ELP4: variants seen among roughly 807,000 people sequenced by gnomAD.
ELP4 encodes the protein elongator complex protein 4.
ELP4 carries 51 observed loss-of-function variants against 48.9 expected under a neutral mutation model. The observed-to-expected ratio is 1.04, with a 90% CI of 0.83 to 1.32. The LOEUF is 1.32. Among genes scored for constraint, ELP4 ranks in the 40% most tolerant of loss-of-function variants. The pLI, the probability that ELP4 is intolerant of heterozygous loss-of-function variation, is 0.00. For missense variants in ELP4, 519 were observed against 514.6 expected (o/e 1.01, Z -0.08); for synonymous variants, 210 against 189.2 (o/e 1.11, Z -0.90).
chr11:31,611,617 T>A (rs1565078650), intron 5 of ELP4, among the ~76,000 whole-genome samples: 1 of 152,220 alleles, frequency 6.6e-6, no homozygotes, highest in Admixed American at 6.5e-5. Flanking sequence ...CATAATCATA[T>A]GTCCGATAAT....
intron 9 of ELP4, among the ~76,000 whole-genome samples, chr11:31,686,647 A>G (rs955610932): frequency 6.6e-6 from 1 of 152,080 alleles, no homozygotes; most frequent in Non-Finnish European, 1.5e-5. Context: ...TGGGGAGGCC[A>G]TGGCAGGCGG....
At chr11:31,519,829 C>CAAAA (rs1045221587) in intron 1 of ELP4, among the ~76,000 whole-genome samples, 1 of 76,032 alleles carries the variant, frequency 1.3e-5, no homozygotes. Flanking sequence ...GACTCCATCT[C>CAAAA]AAAAAAAAAA....
chr11:31,750,424 C>T (rs1027156948), intron 9 of ELP4, among the ~76,000 whole-genome samples: 3 of 151,794 alleles, frequency 2.0e-5, no homozygotes, highest in African/African-American at 7.3e-5. Flanking sequence ...ACATGATTAC[C>T]TCATTCACAG....
Position 31,787,327 on chromosome 11 carries a change from T to G in ELP4, c.*3803T>G. On this transcript the variant is annotated 3_prime_UTR_variant, in exon 10 of 10. Coordinates refer to ENST00000640961, the MANE Select transcript of ELP4 (RefSeq NM_019040.5). ...AAGTGCACACATACAGACCCTCCGC[T>G]CCCACGTCACTCCTTTTCTCCCATT... 4.3e-6 allele frequency: 1 copy of G among 233,422 alleles called. No individual in the cohort carries two copies. Among genetic ancestry groups the G allele is most frequent in the Non-Finnish European group, 8.5e-6 (1 of 118,248 alleles). 14.5% of individuals were successfully genotyped at this position (233,422 alleles called of 1,614,324 possible).
intron 9 of ELP4, among the ~76,000 whole-genome samples, chr11:31,675,658 C>G (rs1279546046): frequency 6.6e-6 from 1 of 152,104 alleles, no homozygotes; most frequent in Non-Finnish European, 1.5e-5. Flanking sequence ...GGTTTCTGTT[C>G]TCACTTAACA....
intron 9 of ELP4, among the ~76,000 whole-genome samples, chr11:31,731,630 G>A (rs186672996): frequency 1.8e-4 from 26 of 143,478 alleles, no homozygotes; most frequent in Non-Finnish European, 3.7e-4. Flanking sequence ...AAAAAAGGAG[G>A]CAGAAAGCTT....
chr11:31,604,005 TATC>T (rs971640364), intron 5 of ELP4, 98 bp downstream of exon 5: 5 of 851,244 alleles, frequency 5.9e-6, no homozygotes, highest in Non-Finnish European at 8.6e-6. Flanking sequence ...TAAGGGTAAA[TATC>T]ATAATAATAA....
intron 9 of ELP4, among the ~76,000 whole-genome samples, chr11:31,766,232 T>G (rs1435654778): frequency 6.6e-6 from 1 of 152,066 alleles, no homozygotes; most frequent in Non-Finnish European, 1.5e-5. Flanking sequence ...TATATCTGAA[T>G]AAAAAAGAAA....
intron 9 of ELP4, among the ~76,000 whole-genome samples, chr11:31,699,960 A>C (rs1946487589): frequency 6.6e-6 from 1 of 152,150 alleles, no homozygotes; most frequent in South Asian, 2.1e-4. Context: ...GAGACTGAGA[A>C]TATGGGAGGA....
intron 9 of ELP4, among the ~76,000 whole-genome samples, chr11:31,735,774 T>C (rs1330900611): frequency 2.0e-5 from 3 of 152,110 alleles, no homozygotes; most frequent in Non-Finnish European, 4.4e-5. Context: ...ACAAGAGATA[T>C]GAAGGACCTC....
At chr11:31,684,639 G>A (rs1175712641) in intron 9 of ELP4, among the ~76,000 whole-genome samples, 1 of 152,190 alleles carries the variant, frequency 6.6e-6, no homozygotes, top group Non-Finnish European at 1.5e-5. Flanking sequence ...ATACGTATAT[G>A]ATCACCTGTG....
At chr11:31,711,401 A>T (rs1263725171) in intron 9 of ELP4, among the ~76,000 whole-genome samples, 2 of 152,172 alleles carry the variant, frequency 1.3e-5, no homozygotes, top group Non-Finnish European at 2.9e-5. Flanking sequence ...TAATTCAGTC[A>T]GACCCATCTG....
chr11:31,547,944 T>G (rs536387805), intron 3 of ELP4, among the ~76,000 whole-genome samples: 4,024 of 152,246 alleles, frequency 0.026, 168 homozygotes, highest in African/African-American at 0.091. Flanking sequence ...CAACCCTTCA[T>G]GCTAAAAACT....
At chr11:31,779,073 T>C (rs1259798078) in intron 9 of ELP4, among the ~76,000 whole-genome samples, 2 of 152,200 alleles carry the variant, frequency 1.3e-5, no homozygotes, top group Non-Finnish European at 2.9e-5. Context: ...AGGAGTATTC[T>C]GAAATGTTAA....
chr11:31,706,118 T>G lies in ELP4; in HGVS notation c.1143+55897T>G, dbSNP rs1477968082. On this transcript the variant is annotated intron_variant, in intron 9 of 9. Coordinates refer to ENST00000640961, the MANE Select transcript of ELP4 (RefSeq NM_019040.5). ...ATTTTTGTATGTTGTATTTTTTTAC[T>G]TTTTAAATTGACATATAATAATTGT... Among the ~76,000 whole-genome samples the G allele has an allele frequency of 4.6e-5, 7 of 152,300 alleles. No individual in the cohort carries two copies. The East Asian group carries it at 1.3e-3, about 29-fold the overall frequency.
At position 31,783,869 on chromosome 11, in the gene ELP4, G is replaced by A. The variant is rs1428253932; in HGVS notation, c.*345G>A. ...TCACAGCAGGTAGCATACAAAACAT[G>A]ATGAAATTCAAGATTGTATGTGAAA... On this transcript the variant is annotated 3_prime_UTR_variant, in exon 10 of 10. Coordinates refer to ENST00000640961, the MANE Select transcript of ELP4 (RefSeq NM_019040.5). 5.9e-6 allele frequency: 1 copy of A among 168,838 alleles called. No individual in the cohort carries two copies. The highest frequency in any genetic ancestry group is 1.3e-5 in the Non-Finnish European group (1 of 79,508). 10.5% of individuals were successfully genotyped at this position (168,838 alleles called of 1,614,324 possible). A position where few individuals can be genotyped will look rare whatever the true frequency, so the allele number is the denominator to read the frequency against.
chr11:31,583,895 T>A (rs971682004), intron 3 of ELP4, among the ~76,000 whole-genome samples: 3 of 152,224 alleles, frequency 2.0e-5, no homozygotes, highest in African/African-American at 7.2e-5. Flanking sequence ...CTTTGAAATG[T>A]GGCTAGTGCA....
At chr11:31,623,378 T>A (rs180977698) in intron 5 of ELP4, among the ~76,000 whole-genome samples, 8 of 63,360 alleles carry the variant, frequency 1.3e-4, no homozygotes, top group African/African-American at 4.6e-4. Flanking sequence ...TATATATATA[T>A]ATATATATAT....
At position 31,774,188 on chromosome 11, in the gene ELP4, A is replaced by T. The variant is rs557108879; in HGVS notation, c.1144-9205A>T. Among the ~76,000 whole-genome samples, 6 of 152,328 alleles carry T rather than the reference A, an allele frequency of 3.9e-5. No homozygotes were observed. In the East Asian group the frequency reaches 1.2e-3, roughly 29 times the overall value. On this transcript the variant is annotated intron_variant, in intron 9 of 9. Transcript: ENST00000640961. The stretch of plus-strand genomic sequence containing the variant: ...AGACTGTCTCAAAATAAATTTTTTA[A>T]AAAGACTTAACATTCTGGCCTCTCT...
Sources: allele counts gnomAD v4.1 joint callset (sites outside exome capture counted in the v4.1 genomes callset), GRCh38; gene constraint gnomAD v4.1.1; transcripts MANE v1.5; gene names NCBI Gene and HGNC (gene_info 2026-07-23, HGNC 2026-07-21).